DNER: variants seen among roughly 807,000 people sequenced by gnomAD.
The protein encoded by DNER is delta/notch like EGF repeat containing.
In DNER, 33 loss-of-function variants were observed where a neutral mutation model predicts 78.2. That is an observed-to-expected ratio of 0.42 (90% confidence interval 0.32 to 0.56). DNER has a LOEUF of 0.56. Ranked by LOEUF, DNER falls within the 20% of genes least tolerant of loss-of-function variation. DNER has a pLI of 0.11. For missense variants in DNER, 918 were observed against 975.3 expected, an observed-to-expected ratio of 0.94 and a Z score of 0.78; for synonymous variants, 417 against 384.8, an observed-to-expected ratio of 1.08 and a Z score of -0.98.
intron 6 of DNER, among the ~76,000 whole-genome samples, chr2:229,491,558 T>C (rs1263771634): frequency 6.6e-6 from 1 of 152,190 alleles, no homozygotes; most frequent in East Asian, 1.9e-4. Context: ...GCAATCCTAT[T>C]CCCCTGATAG....
At chr2:229,514,105 A>T (rs1695925042) in intron 5 of DNER, among the ~76,000 whole-genome samples, 1 of 152,174 alleles carries the variant, frequency 6.6e-6, no homozygotes, top group Admixed American at 6.5e-5. Flanking sequence ...TTTCTTGATA[A>T]ATTTACTCCT....
chr2:229,581,623 T>G (rs147578464), intron 4 of DNER, among the ~76,000 whole-genome samples: 4 of 152,322 alleles, frequency 2.6e-5, no homozygotes, highest in African/African-American at 9.6e-5. Context: ...TGCAAAATAC[T>G]ATAAATATTA....
intron 1 of DNER, among the ~76,000 whole-genome samples, chr2:229,630,848 A>C (rs1698422989): frequency 1.3e-5 from 2 of 151,834 alleles, no homozygotes; most frequent in South Asian, 4.2e-4. Context: ...TGTCCACTGT[A>C]CCCAGTATTT....
At chr2:229,499,833 T>A (rs1695578073) in intron 6 of DNER, among the ~76,000 whole-genome samples, 1 of 152,064 alleles carries the variant, frequency 6.6e-6, no homozygotes, top group South Asian at 2.1e-4. Flanking sequence ...GATAAAGAAT[T>A]GCTATTTCAA....
chr2:229,689,414 A>T (rs1169627084), intron 1 of DNER, among the ~76,000 whole-genome samples: 1 of 152,240 alleles, frequency 6.6e-6, no homozygotes, highest in African/African-American at 2.4e-5. Context: ...AACCATTTTA[A>T]AATGTGTTTC....
At chr2:229,638,004 G>C (rs1444562956) in intron 1 of DNER, among the ~76,000 whole-genome samples, 1 of 152,130 alleles carries the variant, frequency 6.6e-6, no homozygotes, top group Non-Finnish European at 1.5e-5. Context: ...GTGGAAACTT[G>C]AATTCATTAT....
chr2:229,514,633 G>A (rs564151518), intron 5 of DNER, among the ~76,000 whole-genome samples: 49 of 152,220 alleles, frequency 3.2e-4, no homozygotes, highest in African/African-American at 1.2e-3. Flanking sequence ...TTTTAATATG[G>A]CTGGCTTCTA....
intron 1 of DNER, among the ~76,000 whole-genome samples, chr2:229,616,081 G>T (rs1157252093): frequency 6.6e-6 from 1 of 152,248 alleles, no homozygotes; most frequent in African/African-American, 2.4e-5. Context: ...ATTAAAAACT[G>T]CAAAACTGAT....
chr2:229,494,353 A>G (rs2154211781), intron 6 of DNER, among the ~76,000 whole-genome samples: 1 of 152,362 alleles, frequency 6.6e-6, no homozygotes, highest in South Asian at 2.1e-4. Flanking sequence ...GTGAGATCAG[A>G]CAAGTTATAT....
chr2:229,669,355 T>G (rs1266819070), intron 1 of DNER, among the ~76,000 whole-genome samples: 1 of 145,320 alleles, frequency 6.9e-6, no homozygotes, highest in African/African-American at 2.8e-5. Flanking sequence ...TCCCAGAACT[T>G]TTATGTATAC....
At position 229,628,431 on chromosome 2, in the gene DNER, C is replaced by A. The variant is rs192445672; in HGVS notation, c.277-36543G>T. ...AACTAAGTTTTGGGGTAATTTGTTA[C>A]ACAGAAATAGACACCAAAAACACGG... On this transcript the variant is annotated intron_variant, in intron 1 of 12. Transcript: ENST00000341772. Among the ~76,000 whole-genome samples, 572 of 152,206 alleles carry A rather than the reference C, an allele frequency of 3.8e-3. 4 individuals carry two copies. Among genetic ancestry groups the A allele is most frequent in the African/African-American group, 0.013 (536 of 41,514 alleles).
chr2:229,450,173 A>G (rs1694426025), intron 7 of DNER, among the ~76,000 whole-genome samples: 1 of 152,246 alleles, frequency 6.6e-6, no homozygotes, highest in African/African-American at 2.4e-5. Context: ...GAGAACTGTC[A>G]ACTCTGTCAA....
intron 5 of DNER, among the ~76,000 whole-genome samples, chr2:229,546,489 A>C (rs538304613): frequency 2.0e-5 from 3 of 152,374 alleles, no homozygotes; most frequent in East Asian, 3.9e-4. Flanking sequence ...TAATCTCAGC[A>C]CTGTGGGAGG....
intron 6 of DNER, among the ~76,000 whole-genome samples, chr2:229,485,391 T>G (rs1328777449): frequency 6.6e-6 from 1 of 152,208 alleles, no homozygotes; most frequent in East Asian, 1.9e-4. Flanking sequence ...ATTTCATCAG[T>G]GGGTGTTCAC....
chr2:229,358,663 G>A lies in DNER; in HGVS notation c.2103-12C>T, dbSNP rs1692143793. The A allele has an allele frequency of 6.2e-7, 1 of 1,609,184 alleles. No homozygotes were observed. Among genetic ancestry groups the A allele is most frequent in the African/African-American group, 1.3e-5 (1 of 74,772 alleles). On this transcript the variant is annotated splice_polypyrimidine_tract_variant and intron_variant, in intron 12 of 12. Coordinates refer to ENST00000341772, the MANE Select transcript of DNER (RefSeq NM_139072.4). ...ATTTCTTTCCAAACCTGAAATCAGAGAGAAAGGACTCTGGTTAGATAAATA... is the reference window on the plus strand; with the variant it reads ...ATTTCTTTCCAAACCTGAAATCAGAAAGAAAGGACTCTGGTTAGATAAATA...
chr2:229,640,095 T>C (rs1044231221), intron 1 of DNER, among the ~76,000 whole-genome samples: 1 of 152,246 alleles, frequency 6.6e-6, no homozygotes, highest in African/African-American at 2.4e-5. Context: ...TACTTGTCCT[T>C]GCTACTGCAC....
chr2:229,589,103 G>A (rs1406998624), intron 2 of DNER, among the ~76,000 whole-genome samples: 3 of 152,164 alleles, frequency 2.0e-5, no homozygotes, highest in Non-Finnish European at 4.4e-5. Context: ...TCAATTGGTG[G>A]GGGGAGGACT....
intron 11 of DNER, among the ~76,000 whole-genome samples, chr2:229,385,842 C>T (rs780646165): frequency 1.3e-5 from 2 of 152,070 alleles, no homozygotes; most frequent in Non-Finnish European, 2.9e-5. Flanking sequence ...ATGAAAAAAA[C>T]ATTTCATGCT....
rs1699716431 is a variant in DNER at position 229,699,903 on chromosome 2, TA to T, written c.276+14244del. The stretch of plus-strand genomic sequence containing the variant: ...CTTCTAAAGAGCAAAACAATGAGCA[TA>T]AGCGAAGTCAAATGAAAAATGATAC... On this transcript the variant is annotated intron_variant, in intron 1 of 12. Transcript: ENST00000341772. 2.0e-5 allele frequency among the ~76,000 whole-genome samples: 3 copies of T among 152,058 alleles called. No individual in the cohort carries two copies. In the South Asian group the frequency reaches 6.2e-4, roughly 32 times the overall value.
Sources: gnomAD v4.1 joint callset for allele counts (sites outside exome capture counted in the v4.1 genomes callset) on GRCh38, gnomAD v4.1.1 for gene constraint, MANE v1.5 for transcripts, NCBI Gene and HGNC (gene_info 2026-07-23, HGNC 2026-07-21) for gene names.